Variants in SCCPDH observed in about 807,000 individuals in gnomAD.
The protein encoded by SCCPDH is saccharopine dehydrogenase-like oxidoreductase.
In SCCPDH, 34 loss-of-function variants were observed where a neutral mutation model predicts 51.5. The ratio of observed to expected loss-of-function variants is 0.66; its 90% CI spans 0.50 to 0.88. The LOEUF (loss-of-function observed/expected upper bound fraction) is 0.88, where lower values mean the gene tolerates loss of function less well. Ranked by LOEUF, SCCPDH falls within the 40% of genes least tolerant of loss-of-function variation. SCCPDH has a pLI of 0.00. For missense variants in SCCPDH, 464 were observed against 527.1 expected (o/e 0.88, Z 1.17); for synonymous variants, 187 against 191.3 (o/e 0.98, Z 0.19).
At chr1:246,730,114 T>C (rs1668470144) in intron 2 of SCCPDH, among the ~76,000 whole-genome samples, 1 of 152,180 alleles carries the variant, frequency 6.6e-6, no homozygotes, top group Non-Finnish European at 1.5e-5. Flanking sequence ...GCAGCCTCCT[T>C]GGAAGAATTC....
chr1:246,758,202 T>C (rs766772454), intron 5 of SCCPDH, 24 bp from the exon 6 acceptor site: 64 of 1,544,066 alleles, frequency 4.1e-5, no homozygotes, highest in Non-Finnish European at 4.8e-5. Flanking sequence ...TCATGTTTCT[T>C]TAACTCTTGA....
intron 5 of SCCPDH, among the ~76,000 whole-genome samples, chr1:246,754,351 A>C (rs972890741): frequency 2.6e-5 from 4 of 152,240 alleles, no homozygotes; most frequent in African/African-American, 4.8e-5. Flanking sequence ...CACTGCAACA[A>C]GGCAGCGGGG....
chr1:246,725,248 A>G (rs1440088688), intron 1 of SCCPDH, among the ~76,000 whole-genome samples: 1 of 114,518 alleles, frequency 8.7e-6, no homozygotes, highest in Non-Finnish European at 1.7e-5. Context: ...TTGATAATCT[A>G]AGCATTCAGG....
intron 6 of SCCPDH, 70 bp downstream of exon 6, chr1:246,758,426 A>G: frequency 8.6e-7 from 1 of 1,165,930 alleles, no homozygotes; most frequent in Admixed American, 2.6e-5. Context: ...GGCTATTAAT[A>G]AAGTATGTTA....
At chr1:246,754,609 C>T (rs1377095705) in intron 5 of SCCPDH, among the ~76,000 whole-genome samples, 2 of 152,218 alleles carry the variant, frequency 1.3e-5, no homozygotes, top group African/African-American at 2.4e-5. Context: ...AGTCGAGCTC[C>T]GCGAGTGAGC....
At chr1:246,728,746 C>A (rs963593524) in intron 2 of SCCPDH, among the ~76,000 whole-genome samples, 13 of 152,132 alleles carry the variant, frequency 8.5e-5, no homozygotes, top group African/African-American at 3.1e-4. Context: ...CATCTTCCTA[C>A]CACCAGATCT....
intron 6 of SCCPDH, 104 bp downstream of exon 6, chr1:246,758,460 T>G (rs1228041394): frequency 2.7e-6 from 2 of 734,266 alleles, no homozygotes; most frequent in East Asian, 5.9e-5. Context: ...GGAGACTAAT[T>G]TGTAGTAAGT....
At chr1:246,761,532 T>C (rs781603934) in intron 9 of SCCPDH, among the ~76,000 whole-genome samples, 8 of 152,224 alleles carry the variant, frequency 5.3e-5, no homozygotes, top group Non-Finnish European at 2.9e-5. Flanking sequence ...ACTGAAACTC[T>C]ACACCCGTGA....
Position 246,724,439 on chromosome 1 carries a change from G to A in SCCPDH, c.17G>A (p.Arg6Lys). 1 of 1,583,032 alleles carries A rather than the reference G, an allele frequency of 6.3e-7. No individual in the cohort carries two copies. The highest frequency in any genetic ancestry group is 1.4e-5 in the African/African-American group (1 of 71,768). MATEQ[R>K]PFHLVVFGAS... is the part of the protein sequence containing the mutation. ...GGACTCGTCATGGCGACCGAGCAGA[G>A]GCCTTTCCACCTGGTGGTGTTCGGC... The change falls in exon 1 of 12, where the codon AGG (arginine) becomes AAG (lysine). Residue 6 changes from arginine to lysine, a missense_variant. Arg to Lys is a conservative substitution (Grantham distance 26). Coordinates refer to ENST00000366510, the MANE Select transcript of SCCPDH (RefSeq NM_016002.3).
chr1:246,741,442 T>C (rs1668674983), intron 4 of SCCPDH, among the ~76,000 whole-genome samples: 1 of 152,108 alleles, frequency 6.6e-6, no homozygotes, highest in African/African-American at 2.4e-5. Context: ...GACTGCAGGC[T>C]TATGCCACCA....
chr1:246,753,069 TTC>T (rs564911595), intron 5 of SCCPDH, among the ~76,000 whole-genome samples: 157 of 149,646 alleles, frequency 1.0e-3, no homozygotes, highest in African/African-American at 3.9e-3. Flanking sequence ...CTCTCTCTCT[TTC>T]TCTCTCCTTG....
At chr1:246,726,781 A>G (rs1365979758) in intron 1 of SCCPDH, 111 bp from the exon 2 acceptor site, 2 of 712,672 alleles carry the variant, frequency 2.8e-6, no homozygotes, top group Admixed American at 5.1e-5. Flanking sequence ...GCTAGCTTTC[A>G]GCATATCAGT....
At chr1:246,738,672 T>C (rs1316806025) in intron 3 of SCCPDH, among the ~76,000 whole-genome samples, 3 of 151,618 alleles carry the variant, frequency 2.0e-5, no homozygotes, top group East Asian at 1.9e-4. Context: ...CTGACCAACA[T>C]GGAGAAACCC....
At chr1:246,740,904 G>T (rs79217295) in intron 4 of SCCPDH, among the ~76,000 whole-genome samples, 3,400 of 151,948 alleles carry the variant, frequency 0.022, 142 homozygotes, top group African/African-American at 0.076. Flanking sequence ...AACATAGTAA[G>T]ACTCGTCCCT....
chr1:246,742,647 C>T (rs1668698271), intron 4 of SCCPDH, among the ~76,000 whole-genome samples: 1 of 152,194 alleles, frequency 6.6e-6, no homozygotes, highest in Non-Finnish European at 1.5e-5. Flanking sequence ...TTCTCTTCTG[C>T]TGCAACAGCT....
intron 2 of SCCPDH, among the ~76,000 whole-genome samples, chr1:246,732,815 A>G (rs752018369): frequency 7.2e-5 from 11 of 151,924 alleles, no homozygotes; most frequent in Non-Finnish European, 1.5e-4. Flanking sequence ...CATCCTCACA[A>G]CTACCCAGGG....
chr1:246,753,287 A>T (rs1474945040), intron 5 of SCCPDH, among the ~76,000 whole-genome samples: 1 of 151,832 alleles, frequency 6.6e-6, no homozygotes, highest in East Asian at 1.9e-4. Context: ...CTTCTTACAT[A>T]CACTTTTTGG....
chr1:246,741,107 AAAAC>A (rs894468414), intron 4 of SCCPDH, among the ~76,000 whole-genome samples: 1 of 152,082 alleles, frequency 6.6e-6, no homozygotes, highest in African/African-American at 2.4e-5. Flanking sequence ...AAAAAACAAA[AAAAC>A]AAAAACAAAA....
chr1:246,757,236 C>T (rs180832547), intron 5 of SCCPDH, among the ~76,000 whole-genome samples: 21 of 148,460 alleles, frequency 1.4e-4, no homozygotes, highest in Admixed American at 1.2e-3. Flanking sequence ...CCCAGCTACT[C>T]GGGAGGTTGA....
Sources: gnomAD v4.1 joint callset for allele counts (sites outside exome capture counted in the v4.1 genomes callset) on GRCh38, gnomAD v4.1.1 for gene constraint, MANE v1.5 for transcripts, NCBI Gene and HGNC (gene_info 2026-07-23, HGNC 2026-07-21) for gene names.